The following DOCK10 variants were observed in gnomAD, a reference collection of about 807,000 sequenced individuals.
DOCK10 encodes dedicator of cytokinesis 10.
A neutral mutation model predicts 280.1 loss-of-function variants in DOCK10; 145 were observed. The observed-to-expected ratio is 0.52, with a 90% CI of 0.45 to 0.59. DOCK10 has a LOEUF of 0.59. Among genes scored for constraint, DOCK10 ranks in the 20% least tolerant of loss-of-function variants. DOCK10 has a pLI of 0.00. For synonymous variants in DOCK10, 915 were observed against 942.2 expected, an observed-to-expected ratio of 0.97 and a Z score of 0.53; for missense variants, 2,368 against 2,651.7, an observed-to-expected ratio of 0.89 and a Z score of 2.35.
At chr2:224,819,328 G>A (rs925358989) in intron 29 of DOCK10, 118 bp downstream of exon 29, 1 of 583,956 alleles carries the variant, frequency 1.7e-6, no homozygotes, top group African/African-American at 1.9e-5. Flanking sequence ...GCCTCTCCTT[G>A]GCATAGAAAT....
At chr2:224,943,498 ATGACT>A (rs1217882008) in intron 1 of DOCK10, among the ~76,000 whole-genome samples, 1 of 152,158 alleles carries the variant, frequency 6.6e-6, no homozygotes, top group East Asian at 1.9e-4. Flanking sequence ...CGATTCAGAA[ATGACT>A]TGAGTTCAAG....
At chr2:224,911,327 A>G (rs1701001010) in intron 3 of DOCK10, among the ~76,000 whole-genome samples, 1 of 152,192 alleles carries the variant, frequency 6.6e-6, no homozygotes. Flanking sequence ...TCAGAGAACT[A>G]CGGATAGATG....
At chr2:224,926,834 G>T (rs1702068592) in intron 2 of DOCK10, among the ~76,000 whole-genome samples, 2 of 152,190 alleles carry the variant, frequency 1.3e-5, no homozygotes, top group Admixed American at 1.3e-4. Flanking sequence ...GTTTCTGAAA[G>T]ATAATTCATG....
intron 1 of DOCK10, among the ~76,000 whole-genome samples, chr2:224,961,561 C>A (rs1022872466): frequency 6.7e-6 from 1 of 148,298 alleles, no homozygotes; most frequent in Non-Finnish European, 1.5e-5. Flanking sequence ...GGCTGGAGTG[C>A]AGTGGTGCGA....
rs1693340375 is a variant in DOCK10 at position 224,805,517 on chromosome 2, AT to A, written c.3826del (p.Ile1276Ter). ...AGCATGGTTTACTGTAGAAATAGCT[AT>A]TGATGAAAATGCTGTAAACACAAGC... ...VLNSIAAFSS[I>X]AISTVNHADS... is the part of the protein sequence containing the mutation. On this transcript the variant is annotated frameshift_variant, in exon 35 of 56. Coordinates refer to ENST00000258390, the MANE Select transcript of DOCK10 (RefSeq NM_014689.3). LOFTEE classifies it high-confidence loss of function. This position sits in a 1 kb window ranked among gnomAD's most constrained non-coding sequence, Gnocchi z 4.3. The A allele has an allele frequency of 6.2e-7, 1 of 1,612,168 alleles. No homozygotes were observed. The highest frequency in any genetic ancestry group is 1.3e-5 in the African/African-American group (1 of 74,818).
intron 1 of DOCK10, among the ~76,000 whole-genome samples, chr2:225,015,931 T>TA (rs958348845): frequency 6.6e-6 from 1 of 152,178 alleles, no homozygotes; most frequent in African/African-American, 2.4e-5. Flanking sequence ...TTACTACCTT[T>TA]AAAAAAATCA....
intron 1 of DOCK10, among the ~76,000 whole-genome samples, chr2:225,037,737 T>G (rs904831899): frequency 2.0e-5 from 3 of 152,250 alleles, no homozygotes; most frequent in Non-Finnish European, 4.4e-5. Context: ...CATTCATTAT[T>G]GCTTTCTTTT....
At chr2:225,009,321 T>C (rs1689367329) in intron 1 of DOCK10, among the ~76,000 whole-genome samples, 1 of 152,204 alleles carries the variant, frequency 6.6e-6, no homozygotes, top group South Asian at 2.1e-4. Flanking sequence ...AAATAGGTGA[T>C]ATTAAGTTCT....
intron 11 of DOCK10, among the ~76,000 whole-genome samples, chr2:224,872,070 T>C (rs547654866): frequency 5.3e-5 from 8 of 152,340 alleles, no homozygotes; most frequent in Middle Eastern, 3.4e-3. Flanking sequence ...CTTTCATTTC[T>C]ACTCACACCT....
intron 18 of DOCK10, among the ~76,000 whole-genome samples, chr2:224,850,790 G>GCT (rs903769141): frequency 3.3e-5 from 5 of 151,720 alleles, no homozygotes; most frequent in African/African-American, 4.8e-5. Context: ...ACTCACACAT[G>GCT]CTCTCTCTCT....
intron 11 of DOCK10, among the ~76,000 whole-genome samples, chr2:224,871,773 G>A (rs966814027): frequency 3.3e-5 from 5 of 152,172 alleles, no homozygotes; most frequent in South Asian, 2.1e-4. Context: ...CACCTCTGCC[G>A]AGAGGGCCTT....
At chr2:224,964,345 G>T (rs1269731727) in intron 1 of DOCK10, among the ~76,000 whole-genome samples, 2 of 152,092 alleles carry the variant, frequency 1.3e-5, no homozygotes, top group African/African-American at 4.8e-5. Context: ...AAACCTCTTT[G>T]AAAGAGATAT....
intron 11 of DOCK10, among the ~76,000 whole-genome samples, chr2:224,873,578 C>T (rs1377900192): frequency 1.9e-5 from 2 of 102,862 alleles, no homozygotes; most frequent in Non-Finnish European, 3.5e-5. Flanking sequence ...GCCTGGGCAA[C>T]AGAGCAAGAC....
intron 2 of DOCK10, among the ~76,000 whole-genome samples, chr2:224,917,101 C>CTTTTTTTTTTGT (rs1701376121): frequency 1.0e-5 from 1 of 95,774 alleles, no homozygotes; most frequent in Non-Finnish European, 1.9e-5. Flanking sequence ...CTATTGGAAT[C>CTTTTTTTTTTGT]TTTTTTTTTT....
At chr2:225,013,608 C>A (rs1218167868) in intron 1 of DOCK10, among the ~76,000 whole-genome samples, 1 of 152,154 alleles carries the variant, frequency 6.6e-6, no homozygotes, top group Non-Finnish European at 1.5e-5. Flanking sequence ...AACCTAGATT[C>A]TCGCATTCCC....
At chr2:224,817,640 T>A (rs1694217009) in intron 29 of DOCK10, among the ~76,000 whole-genome samples, 1 of 152,190 alleles carries the variant, frequency 6.6e-6, no homozygotes, top group Admixed American at 6.5e-5. Context: ...TCTTTGAAAA[T>A]ACATAATTTA....
intron 1 of DOCK10, among the ~76,000 whole-genome samples, chr2:224,939,673 C>T (rs1464825760): frequency 6.6e-6 from 1 of 152,130 alleles, no homozygotes; most frequent in Admixed American, 6.5e-5. Flanking sequence ...TTATATGAAG[C>T]CTGTGATGAG....
At chr2:224,798,053 T>C in intron 41 of DOCK10, 84 bp from the exon 42 acceptor site, 1 of 1,369,122 alleles carries the variant, frequency 7.3e-7, no homozygotes, top group Non-Finnish European at 1.0e-6. Context: ...GAACCTGTCA[T>C]GTGGTAAGGC....
At chr2:224,894,136 T>C (rs1699854232) in intron 4 of DOCK10, among the ~76,000 whole-genome samples, 2 of 152,242 alleles carry the variant, frequency 1.3e-5, no homozygotes, top group African/African-American at 4.8e-5. Context: ...GTAAGGGAAA[T>C]TCTCAACAAT....
Sources: allele counts gnomAD v4.1 joint callset (sites outside exome capture counted in the v4.1 genomes callset), GRCh38; gene constraint gnomAD v4.1.1; non-coding constraint Gnocchi (gnomAD v3.1); transcripts MANE v1.5; gene names NCBI Gene and HGNC (gene_info 2026-07-23, HGNC 2026-07-21).